The following RALGAPA2 variants were observed in gnomAD, a reference collection of about 807,000 sequenced individuals.
The protein encoded by RALGAPA2 is Ral GTPase activating protein catalytic subunit alpha 2.
RALGAPA2 carries 139 observed loss-of-function variants against 230.4 expected under a neutral mutation model. The observed-to-expected ratio is 0.60, with a 90% CI of 0.53 to 0.69. RALGAPA2 has a LOEUF of 0.69. RALGAPA2 is among the 30% of genes least tolerant of loss of function. The pLI is 0.00. For synonymous variants in RALGAPA2, 847 were observed against 837.8 expected (o/e 1.01, Z -0.19); for missense variants, 2,163 against 2,276.0 (o/e 0.95, Z 1.01).
At chr20:20,473,015 A>G in intron 36 of RALGAPA2, 59 bp from the exon 37 acceptor site, 1 of 1,523,406 alleles carries the variant, frequency 6.6e-7, no homozygotes, top group Non-Finnish European at 8.9e-7. Flanking sequence ...AATCAAAGAT[A>G]TGAGAGTAGC....
intron 38 of RALGAPA2, among the ~76,000 whole-genome samples, chr20:20,397,655 A>T (rs2059745501): frequency 6.6e-6 from 1 of 151,836 alleles, no homozygotes; most frequent in Non-Finnish European, 1.5e-5. Context: ...TTTTCTGCTG[A>T]CCCCCTCTGC....
intron 3 of RALGAPA2, among the ~76,000 whole-genome samples, chr20:20,665,094 TA>T (rs35030616): frequency 1.2e-3 from 183 of 152,138 alleles, no homozygotes; most frequent in South Asian, 3.7e-3. Context: ...TATATTAATT[TA>T]AAAAAAATCA....
At chr20:20,493,204 C>G (rs538097571) in intron 36 of RALGAPA2, among the ~76,000 whole-genome samples, 2 of 152,304 alleles carry the variant, frequency 1.3e-5, no homozygotes, top group East Asian at 3.9e-4. Flanking sequence ...TGCATTCACC[C>G]TGGGGTCAGT....
rs757939782 is a variant in RALGAPA2, at chr20:20,398,383, C to T, written c.5618-1649G>A. Among the ~76,000 whole-genome samples, 3 of 152,312 alleles carry T rather than the reference C, an allele frequency of 2.0e-5. No individual in the cohort carries two copies. The highest frequency in any genetic ancestry group is 4.1e-4 in the South Asian group (2 of 4,824). On this transcript the variant is annotated intron_variant, in intron 38 of 39. Coordinates refer to ENST00000202677, the MANE Select transcript of RALGAPA2 (RefSeq NM_020343.4). The surrounding 1 kb of genome is among the most constrained non-coding windows in gnomAD (Gnocchi z 4.5). ...TGCCCCTCTCCTGTGCATCCCCAGA[C>T]GCAGCCTGGTGTGGTGTGCTGGACC...
At chr20:20,665,948 C>T (rs2067944384) in intron 3 of RALGAPA2, among the ~76,000 whole-genome samples, 3 of 152,168 alleles carry the variant, frequency 2.0e-5, no homozygotes, top group Admixed American at 6.5e-5. Context: ...TACTGTGATC[C>T]CTGCAGAGCA....
intron 39 of RALGAPA2, among the ~76,000 whole-genome samples, chr20:20,393,930 T>G (rs2059651475): frequency 6.6e-6 from 1 of 152,182 alleles, no homozygotes; most frequent in Non-Finnish European, 1.5e-5. Context: ...GAGCTGGGTC[T>G]CCCCTAGCAC....
At chr20:20,513,382 A>G in intron 31 of RALGAPA2, 98 bp from the exon 32 acceptor site, 2 of 1,024,160 alleles carry the variant, frequency 2.0e-6, no homozygotes, top group Non-Finnish European at 1.3e-6. Context: ...CAGTTCCAAT[A>G]TGGTAGATTA....
intron 31 of RALGAPA2, among the ~76,000 whole-genome samples, chr20:20,516,119 T>C (rs1320197674): frequency 1.3e-5 from 2 of 152,162 alleles, no homozygotes; most frequent in Non-Finnish European, 2.9e-5. Context: ...GCAGTTATAC[T>C]ATCTCTGGAA....
chr20:20,636,150 C>T (rs2066849971), intron 8 of RALGAPA2, among the ~76,000 whole-genome samples: 1 of 152,148 alleles, frequency 6.6e-6, no homozygotes, highest in African/African-American at 2.4e-5. Context: ...AAGAAAGTCA[C>T]ATTTCACCTT....
intron 9 of RALGAPA2, among the ~76,000 whole-genome samples, chr20:20,633,526 C>T (rs547385090): frequency 2.0e-5 from 3 of 152,220 alleles, no homozygotes; most frequent in South Asian, 2.1e-4. Flanking sequence ...CTCGCTCTGT[C>T]GCCCAGGCTG....
Position 20,505,391 on chromosome 20 carries a change from T to C in RALGAPA2, c.5052+20A>G. 1 of 1,585,964 alleles carries C rather than the reference T, an allele frequency of 6.3e-7. No individual in the cohort carries two copies. Among genetic ancestry groups the C allele is most frequent in the Non-Finnish European group, 8.6e-7 (1 of 1,166,382 alleles). ...TAAACAGTGCTGGTCAATAAACACCTACTGAATGAAATGCATTACCTCCCA... is the reference window on the plus strand; with the variant it reads ...TAAACAGTGCTGGTCAATAAACACCCACTGAATGAAATGCATTACCTCCCA... On this transcript the variant is annotated intron_variant, in intron 34 of 39. Coordinates refer to ENST00000202677, the MANE Select transcript of RALGAPA2 (RefSeq NM_020343.4).
chr20:20,653,648 G>A, intron 3 of RALGAPA2, 61 bp from the exon 4 acceptor site: 2 of 996,926 alleles, frequency 2.0e-6, no homozygotes, highest in South Asian at 3.0e-5. Context: ...TTCATGACAG[G>A]CCCATATTAC....
intron 13 of RALGAPA2, among the ~76,000 whole-genome samples, chr20:20,613,977 T>C (rs1190840936): frequency 6.6e-6 from 1 of 152,190 alleles, no homozygotes; most frequent in Non-Finnish European, 1.5e-5. Flanking sequence ...CCTATGAGGA[T>C]GTAACCTCAT....
intron 37 of RALGAPA2, among the ~76,000 whole-genome samples, chr20:20,430,769 T>G (rs979681354): frequency 3.3e-5 from 5 of 152,214 alleles, no homozygotes; most frequent in African/African-American, 4.8e-5. Flanking sequence ...AAACATCACG[T>G]ATGTACATCA....
intron 37 of RALGAPA2, among the ~76,000 whole-genome samples, chr20:20,438,852 C>A (rs2060671772): frequency 6.6e-6 from 1 of 152,072 alleles, no homozygotes; most frequent in Non-Finnish European, 1.5e-5. Flanking sequence ...CTTATTTATG[C>A]AAAATGGAGG....
intron 36 of RALGAPA2, among the ~76,000 whole-genome samples, chr20:20,483,460 G>T (rs1244790378): frequency 6.6e-6 from 1 of 152,146 alleles, no homozygotes; most frequent in African/African-American, 2.4e-5. Context: ...CCATGTAAGT[G>T]CCTGGCCAAG....
At chr20:20,658,779 T>C (rs1396882973) in intron 3 of RALGAPA2, among the ~76,000 whole-genome samples, 1 of 152,244 alleles carries the variant, frequency 6.6e-6, no homozygotes, top group Non-Finnish European at 1.5e-5. Flanking sequence ...CACAAGATGC[T>C]ATAGTCTACT....
At chr20:20,609,937 A>C (rs1408118767) in intron 14 of RALGAPA2, among the ~76,000 whole-genome samples, 1 of 152,234 alleles carries the variant, frequency 6.6e-6, no homozygotes, top group Non-Finnish European at 1.5e-5. Context: ...AATATTCAGG[A>C]GGCCAATTAT....
In RALGAPA2 at chr20:20,466,130, CTGTG is replaced by C. The variant is rs1196567627; in HGVS notation, c.5495+6695_5495+6698del. Among the ~76,000 whole-genome samples, 6 of 152,372 alleles carry C rather than the reference CTGTG, an allele frequency of 3.9e-5. No individual in the cohort carries two copies. In the East Asian group the frequency reaches 1.2e-3, roughly 29 times the overall value. On this transcript the variant is annotated intron_variant, in intron 37 of 39. Transcript: ENST00000202677. ...AGCACTGGGGAGACACCAGGAGGGA[CTGTG>C]GTGACCGTGACAGCACATATTCTGT...
Sources: gnomAD v4.1 joint callset for allele counts (sites outside exome capture counted in the v4.1 genomes callset) on GRCh38, gnomAD v4.1.1 for gene constraint, Gnocchi (gnomAD v3.1) non-coding constraint, MANE v1.5 for transcripts, NCBI Gene and HGNC (gene_info 2026-07-23, HGNC 2026-07-21) for gene names.